Variants in ANO1 observed in about 807,000 individuals in gnomAD.
ANO1 encodes anoctamin-1.
A neutral mutation model predicts 124.0 loss-of-function variants in ANO1; 59 were observed. The observed-to-expected ratio is 0.48, with a 90% CI of 0.39 to 0.59. The LOEUF (loss-of-function observed/expected upper bound fraction) is 0.59, where lower values mean the gene tolerates loss of function less well. Ranked by LOEUF, ANO1 falls within the 20% of genes least tolerant of loss-of-function variation. The pLI is 0.00. For synonymous variants in ANO1, 529 were observed against 532.0 expected (o/e 0.99, Z 0.08); for missense variants, 1,059 against 1,328.0 (o/e 0.80, Z 3.15).
chr11:70,082,323 C>A (rs981361452), intron 1 of ANO1, among the ~76,000 whole-genome samples: 1 of 152,172 alleles, frequency 6.6e-6, no homozygotes, highest in Non-Finnish European at 1.5e-5. Context: ...CCTTGGGAGG[C>A]CGAGGCTGGT....
chr11:70,126,240 C>T, intron 10 of ANO1, 45 bp downstream of exon 10: 3 of 1,580,532 alleles, frequency 1.9e-6, no homozygotes, highest in Non-Finnish European at 2.6e-6. Context: ...CACAGAGGAG[C>T]CCTCTCCTGC....
rs1292310451 is a variant in ANO1 at position 70,135,156 on chromosome 11, T to G, written c.1258+3077T>G. Among the ~76,000 whole-genome samples the G allele has an allele frequency of 4.6e-5, 7 of 152,164 alleles. No homozygotes were observed. In the East Asian group the frequency reaches 1.4e-3, roughly 29 times the overall value. On this transcript the variant is annotated intron_variant, in intron 11 of 25. Coordinates refer to ENST00000355303, the MANE Select transcript of ANO1 (RefSeq NM_018043.7). ...AGCGATTGGGAGCCTCATGGCACCC[T>G]CCCTCCCTGGCCCTGGGGACCCTGA...
Position 70,142,544 on chromosome 11 carries a change from A to C in ANO1, c.1259-7166A>C, listed in dbSNP as rs544534645. On this transcript the variant is annotated intron_variant, in intron 11 of 25. Transcript: ENST00000355303. ...CCCTGCCCCCGCCCCGCCACTCCCC[A>C]GGAGACCCCTCTCTAACCTCTAGTT... Among the ~76,000 whole-genome samples the C allele has an allele frequency of 1.1e-4, 16 of 152,092 alleles. No individual in the cohort carries two copies. The South Asian group carries it at 3.3e-3, about 32-fold the overall frequency.
chr11:70,186,468 G>A (rs987745896), intron 25 of ANO1, among the ~76,000 whole-genome samples: 1 of 152,164 alleles, frequency 6.6e-6, no homozygotes, highest in South Asian at 2.1e-4. Context: ...GTAGCAGGCA[G>A]AGTCAGGACA....
At chr11:70,085,884 T>C (rs2044355408) in intron 1 of ANO1, among the ~76,000 whole-genome samples, 1 of 152,240 alleles carries the variant, frequency 6.6e-6, no homozygotes, top group African/African-American at 2.4e-5. Flanking sequence ...GCCTGCCCCT[T>C]TTCCCGACCA....
intron 1 of ANO1, among the ~76,000 whole-genome samples, chr11:70,071,172 C>T (rs1857864658): frequency 6.6e-6 from 1 of 152,156 alleles, no homozygotes; most frequent in South Asian, 2.1e-4. Flanking sequence ...CTACTCTGTC[C>T]TAATATTTCG....
At chr11:70,135,485 C>A (rs7947793) in intron 11 of ANO1, among the ~76,000 whole-genome samples, 77,823 of 151,990 alleles carry the variant, frequency 0.51, 20,779 homozygotes, top group Non-Finnish European at 0.61. Flanking sequence ...GTCCTTCCAC[C>A]CCACGCTCTG....
intron 20 of ANO1, among the ~76,000 whole-genome samples, chr11:70,166,091 G>A (rs1194218542): frequency 1.3e-5 from 2 of 152,126 alleles, no homozygotes; most frequent in Non-Finnish European, 2.9e-5. Context: ...GCTGAGGCAG[G>A]CGGATCACTT....
chr11:70,086,413 G>A (rs1176251986), intron 1 of ANO1, among the ~76,000 whole-genome samples: 4 of 152,132 alleles, frequency 2.6e-5, no homozygotes, highest in African/African-American at 7.2e-5. Context: ...GCTATCTCCC[G>A]TGGCCCCCTA....
chr11:70,094,413 T>C (rs2044759453), intron 2 of ANO1, among the ~76,000 whole-genome samples: 1 of 152,120 alleles, frequency 6.6e-6, no homozygotes, highest in African/African-American at 2.4e-5. Flanking sequence ...TGGCAGGGGC[T>C]GGGGAGAGGC....
In ANO1 at chr11:70,092,355, C is replaced by T. The variant is rs768954148; in HGVS notation, c.441+4271C>T. Among the ~76,000 whole-genome samples, 45 of 152,246 alleles carry T rather than the reference C, an allele frequency of 3.0e-4. 1 individual carries two copies. Among genetic ancestry groups the T allele is most frequent in the Non-Finnish European group, 5.7e-4 (39 of 68,048 alleles). On this transcript the variant is annotated intron_variant, in intron 2 of 25. Coordinates refer to ENST00000355303, the MANE Select transcript of ANO1 (RefSeq NM_018043.7). ...TTTGTAGGGGACACCACTCAGCCCA[C>T]TCCAGTAGCTGAGATGCTGCACTGG...
the ANO1 span, among the ~76,000 whole-genome samples, chr11:69,967,324 G>A: frequency 1.3e-5 from 2 of 152,076 alleles, no homozygotes; most frequent in African/African-American, 4.8e-5. Flanking sequence ...CTAGCATCAG[G>A]CTCTGAGCGC....
rs1347975766 is a variant in ANO1, at chr11:70,071,790, A to AT, written c.59-6742dup. ...AGGCACGCACCACCATGCCTGGCTA[A>AT]TTTTTTTTTTCTTTTTTAGAAATGG... On this transcript the variant is annotated intron_variant, in intron 1 of 27. Transcript: ENST00000531349. 2.4e-4 allele frequency among the ~76,000 whole-genome samples: 36 copies of AT among 148,958 alleles called. 1 individual carries two copies. The highest frequency in any genetic ancestry group is 1.4e-3 in the Admixed American group (21 of 14,940).
rs369506637 is a variant in ANO1, at chr11:70,165,538, G to A, written c.2019G>A (p.Leu673=). 2 of 1,612,290 alleles carry A rather than the reference G, an allele frequency of 1.2e-6. No individual in the cohort carries two copies. The highest frequency in any genetic ancestry group is 1.7e-6 in the Non-Finnish European group (2 of 1,179,342). The change falls in exon 20 of 26, where the codon CTG becomes CTA. Residue 673 remains leucine (L), a synonymous_variant. Coordinates refer to ENST00000355303, the MANE Select transcript of ANO1 (RefSeq NM_018043.7). ...GCATCATCATGCTGGGGAAACAGCT[G>A]ATCCAGAACAACCTGTTCGAGATCG... ...QLSIIMLGKQ[L]IQNNLFEIGI...
intron 9 of ANO1, among the ~76,000 whole-genome samples, chr11:70,125,582 C>T (rs1233358297): frequency 4.0e-5 from 6 of 150,992 alleles, no homozygotes; most frequent in African/African-American, 1.2e-4. Context: ...CGGTGGCTCA[C>T]GCCTGTAATC....
the ANO1 span, among the ~76,000 whole-genome samples, chr11:69,967,049 C>A: frequency 6.6e-6 from 1 of 152,322 alleles, no homozygotes; most frequent in African/African-American, 2.4e-5. Context: ...GAGGCCAGTG[C>A]ACCCCTACCC....
intron 24 of ANO1, 50 bp from the exon 25 acceptor site, chr11:70,185,540 C>A (rs748370505): frequency 1.3e-6 from 2 of 1,557,150 alleles, no homozygotes; most frequent in Non-Finnish European, 1.8e-6. Context: ...CCAGCCAGAG[C>A]CTGAGCCCCA....
Position 70,070,458 on chromosome 11 carries a change from G to A in ANO1, c.59-8084G>A, listed in dbSNP as rs142065995. Among the ~76,000 whole-genome samples, 150 of 152,278 alleles carry A rather than the reference G, an allele frequency of 9.9e-4. 2 individuals carry two copies. In the East Asian group the frequency reaches 0.013, roughly 13 times the overall value. ...AGCACTTTGGGAGGCCAAGGTGGGC[G>A]GGTCACCTGAGGTCAGGAGTTCAAG... On this transcript the variant is annotated intron_variant, in intron 1 of 27. Transcript: ENST00000531349.
At position 70,085,381 on chromosome 11, in the gene ANO1, A is replaced by G; in HGVS notation, c.109-2371A>G. 3.4e-6 allele frequency: 5 copies of G among 1,475,696 alleles called. No individual in the cohort carries two copies. In the South Asian group the frequency reaches 6.6e-5, roughly 19 times the overall value. The allele number at this position is 1,475,696 out of a possible 1,614,324, so 91.4% of individuals were successfully genotyped here. On this transcript the variant is annotated intron_variant, in intron 1 of 25. Transcript: ENST00000355303. ...GTGGTCGTGGCCCCTAAGCACCCTC[A>G]GACTTTGTCACAGAGGGCAAGGTGG...
Sources: allele counts gnomAD v4.1 joint callset (sites outside exome capture counted in the v4.1 genomes callset), GRCh38; gene constraint gnomAD v4.1.1; transcripts MANE v1.5; gene names NCBI Gene and HGNC (gene_info 2026-07-23, HGNC 2026-07-21).